EPHB1: variants seen among roughly 807,000 people sequenced by gnomAD.
EPHB1 encodes ephrin type-B receptor 1.
EPHB1 carries 30 observed loss-of-function variants against 94.4 expected under a neutral mutation model. The observed-to-expected ratio is 0.32, with a 90% confidence interval of 0.24 to 0.43. The LOEUF (loss-of-function observed/expected upper bound fraction) is 0.43. Among genes scored for constraint, EPHB1 ranks in the 20% least tolerant of loss-of-function variants. The pLI, the probability that EPHB1 is intolerant of heterozygous loss-of-function variation, is 1.00. For missense variants in EPHB1, 1,055 were observed against 1,308.3 expected, an observed-to-expected ratio of 0.81 and a Z score of 2.99; for synonymous variants, 522 against 489.1, an observed-to-expected ratio of 1.07 and a Z score of -0.89.
At chr3:135,067,892 G>A (rs746500758) in intron 3 of EPHB1, 1 of 152,108 alleles carries the variant, frequency 6.6e-6, no homozygotes, top group Non-Finnish European at 1.5e-5. Flanking sequence ...TATTTCGCTC[G>A]GCTCTCTAAA....
rs79853646 is a variant in EPHB1 at position 135,105,228 on chromosome 3, C to T, written c.806-1220C>T. Among the ~76,000 whole-genome samples, 289 of 152,328 alleles carry T rather than the reference C, an allele frequency of 1.9e-3. 13 individuals carry two copies. The East Asian group carries it at 0.049, about 26-fold the overall frequency. On this transcript the variant is annotated intron_variant, in intron 3 of 15. Transcript: ENST00000398015. Reference sequence around the variant, plus strand: ...TGGCACTTCAATTATATGATGATCACATTGTATTAGATTTATATGACTTCA... The same window carrying T: ...TGGCACTTCAATTATATGATGATCATATTGTATTAGATTTATATGACTTCA...
chr3:135,209,073 C>A (rs957584931), intron 12 of EPHB1, among the ~76,000 whole-genome samples: 1 of 152,110 alleles, frequency 6.6e-6, no homozygotes, highest in African/African-American at 2.4e-5. Flanking sequence ...ATAATAGTAA[C>A]AAGTTATAAT....
At chr3:134,952,464 G>T (rs1043318070) in intron 3 of EPHB1, among the ~76,000 whole-genome samples, 4 of 151,980 alleles carry the variant, frequency 2.6e-5, no homozygotes, top group Admixed American at 1.3e-4. Context: ...AATTTGGGTT[G>T]CCATGGACAA....
chr3:134,984,583 G>A (rs1166603482), intron 3 of EPHB1, among the ~76,000 whole-genome samples: 1 of 147,980 alleles, frequency 6.8e-6, no homozygotes, highest in Non-Finnish European at 1.5e-5. Context: ...CCCTCACCTG[G>A]GCCCCAGAGA....
At chr3:135,154,469 G>A (rs948359071) in intron 6 of EPHB1, 193 bp downstream of exon 6, 1 of 661,474 alleles carries the variant, frequency 1.5e-6, no homozygotes, top group Non-Finnish European at 2.4e-6. Flanking sequence ...GGCACTTTCT[G>A]TGCCAACTAA....
chr3:135,213,140 T>C (rs1392567315), intron 12 of EPHB1, among the ~76,000 whole-genome samples: 1 of 152,238 alleles, frequency 6.6e-6, no homozygotes, highest in African/African-American at 2.4e-5. Flanking sequence ...GCCTTAATTC[T>C]CCACCTTGTT....
At chr3:134,814,017 C>T (rs371248448) in intron 1 of EPHB1, among the ~76,000 whole-genome samples, 1 of 152,190 alleles carries the variant, frequency 6.6e-6, no homozygotes, top group Non-Finnish European at 1.5e-5. Flanking sequence ...CCAGAGTCTA[C>T]CCCGGGGCCT....
chr3:134,918,759 G>T (rs974887554), intron 1 of EPHB1, among the ~76,000 whole-genome samples: 1 of 152,182 alleles, frequency 6.6e-6, no homozygotes, highest in African/African-American at 2.4e-5. Flanking sequence ...TTCTGGGCTG[G>T]TTCCAGTTTT....
chr3:135,113,261 C>T (rs1422761438), intron 4 of EPHB1, among the ~76,000 whole-genome samples: 2 of 152,220 alleles, frequency 1.3e-5, no homozygotes, highest in African/African-American at 4.8e-5. Context: ...ACTGCCACAT[C>T]AGGAAGGGTC....
At chr3:135,236,848 C>CCCT (rs1943666849) in intron 12 of EPHB1, among the ~76,000 whole-genome samples, 1 of 152,174 alleles carries the variant, frequency 6.6e-6, no homozygotes, top group Non-Finnish European at 1.5e-5. Context: ...AGAAGTGCTA[C>CCCT]CCTCTGGGCT....
intron 3 of EPHB1, among the ~76,000 whole-genome samples, chr3:134,983,443 G>T (rs980461147): frequency 4.6e-5 from 7 of 152,230 alleles, no homozygotes; most frequent in African/African-American, 1.7e-4. Flanking sequence ...ATGGCTCAGT[G>T]GGGCTCAATG....
At chr3:135,211,280 G>C (rs1270976332) in intron 12 of EPHB1, among the ~76,000 whole-genome samples, 4 of 152,056 alleles carry the variant, frequency 2.6e-5, no homozygotes, top group Non-Finnish European at 2.9e-5. Flanking sequence ...TACATTTATA[G>C]TCCCAAAGAC....
chr3:134,941,105 A>G (rs373720671), intron 2 of EPHB1, among the ~76,000 whole-genome samples: 7 of 152,346 alleles, frequency 4.6e-5, no homozygotes, highest in Admixed American at 1.3e-4. Context: ...CAGCATCATG[A>G]TAGTCATTGG....
intron 4 of EPHB1, among the ~76,000 whole-genome samples, chr3:135,123,449 T>A (rs555873462): frequency 6.6e-6 from 1 of 152,252 alleles, no homozygotes; most frequent in East Asian, 1.9e-4. Flanking sequence ...CAAGGGCAAG[T>A]AGAAATCTGC....
In EPHB1 at chr3:134,952,713, A is replaced by T. The variant is rs548973043; in HGVS notation, c.805+661A>T. ...TAACTTTTGCTTCTAAATGACACAGAGTAGTGCAAACTTTGCAGTTTGAAA... is the reference window on the plus strand; with the variant it reads ...TAACTTTTGCTTCTAAATGACACAGTGTAGTGCAAACTTTGCAGTTTGAAA... On this transcript the variant is annotated intron_variant, in intron 3 of 15. Coordinates refer to ENST00000398015, the MANE Select transcript of EPHB1 (RefSeq NM_004441.5). Among the ~76,000 whole-genome samples the T allele has an allele frequency of 3.3e-5, 5 of 152,188 alleles. No individual in the cohort carries two copies. The South Asian group carries it at 1.0e-3, about 32-fold the overall frequency.
intron 11 of EPHB1, among the ~76,000 whole-genome samples, chr3:135,199,791 G>A (rs555552833): frequency 2.0e-5 from 3 of 152,306 alleles, no homozygotes; most frequent in South Asian, 4.1e-4. Context: ...CTTTTTGATT[G>A]TTGTTGTTGT....
At chr3:135,192,255 A>T (rs544558604) in intron 10 of EPHB1, among the ~76,000 whole-genome samples, 132 of 10,488 alleles carry the variant, frequency 0.013, 1 homozygote, top group African/African-American at 0.063. Context: ...TGACCATTTC[A>T]TTTCAATTAT....
intron 12 of EPHB1, among the ~76,000 whole-genome samples, chr3:135,214,754 G>C (rs939710297): frequency 2.6e-5 from 4 of 152,136 alleles, no homozygotes; most frequent in African/African-American, 9.7e-5. Context: ...AATCTGTAGG[G>C]CCCTTCCTTT....
At chr3:135,204,325 T>C (rs1219518928) in intron 12 of EPHB1, among the ~76,000 whole-genome samples, 1 of 152,214 alleles carries the variant, frequency 6.6e-6, no homozygotes, top group African/African-American at 2.4e-5. Flanking sequence ...TGTCTCAGCC[T>C]CCCAAGTAGC....
Sources: gnomAD v4.1 joint callset for allele counts (sites outside exome capture counted in the v4.1 genomes callset) on GRCh38, gnomAD v4.1.1 for gene constraint, MANE v1.5 for transcripts, NCBI Gene and HGNC (gene_info 2026-07-23, HGNC 2026-07-21) for gene names.